Variants in SCOC observed in about 807,000 individuals in gnomAD.
The protein encoded by SCOC is short coiled coil protein.
A neutral mutation model predicts 9.9 loss-of-function variants in SCOC; 7 were observed. The observed-to-expected ratio is 0.71, with a 90% CI of 0.40 to 1.33. The LOEUF is 1.33. Ranked by LOEUF, SCOC falls within the 40% of genes most tolerant of loss-of-function variation. SCOC has a pLI of 0.01. For synonymous variants in SCOC, 19 were observed against 28.2 expected (o/e 0.67, Z 1.03); for missense variants, 66 against 89.7 (o/e 0.74, Z 1.07).
intron 2 of SCOC, among the ~76,000 whole-genome samples, chr4:140,351,438 A>G (rs1233995812): frequency 2.0e-5 from 3 of 151,960 alleles, no homozygotes; most frequent in African/African-American, 4.8e-5. Flanking sequence ...TGTCCTTCCC[A>G]TCGCTCCTCT....
chr4:140,280,542 G>A (rs1268518441), intron 1 of SCOC, among the ~76,000 whole-genome samples: 3 of 152,134 alleles, frequency 2.0e-5, no homozygotes, highest in African/African-American at 7.2e-5. Context: ...GCCTACCTGA[G>A]AGCCTGCTAC....
At chr4:140,277,477 G>A (rs536888387) in intron 1 of SCOC, among the ~76,000 whole-genome samples, 105 of 152,258 alleles carry the variant, frequency 6.9e-4, no homozygotes, top group Non-Finnish European at 1.2e-3. Flanking sequence ...TTGTTATGGA[G>A]GGAATATTTA....
chr4:140,366,488 C>T, intron 2 of SCOC: 2 of 1,568,812 alleles, frequency 1.3e-6, no homozygotes, highest in Middle Eastern at 2.1e-4. Flanking sequence ...AGCTTCTTAA[C>T]TTCATTCTTG....
intron 1 of SCOC, among the ~76,000 whole-genome samples, chr4:140,265,483 A>G (rs935204459): frequency 6.6e-6 from 1 of 152,244 alleles, no homozygotes; most frequent in Admixed American, 6.5e-5. Context: ...CTGAGCCACA[A>G]TAGGCTCTGA....
At chr4:140,303,725 C>T (rs778189427) in intron 1 of SCOC, among the ~76,000 whole-genome samples, 5 of 152,148 alleles carry the variant, frequency 3.3e-5, no homozygotes, top group East Asian at 1.9e-4. Context: ...CTTTGGGAAA[C>T]GCCTGTGCAA....
intron 1 of SCOC, among the ~76,000 whole-genome samples, chr4:140,377,192 G>A (rs358309): frequency 0.039 from 5,867 of 152,274 alleles, 144 homozygotes; most frequent in South Asian, 0.094. Flanking sequence ...CTGGTTACAG[G>A]TGTGCTTCTC....
chr4:140,374,118 G>A (rs760810659), intron 1 of SCOC: 28 of 466,638 alleles, frequency 6.0e-5, no homozygotes, highest in Middle Eastern at 3.2e-4. Flanking sequence ...TGGCTGCTCT[G>A]CGAGAGCCTG....
At chr4:140,341,869 C>A (rs1205382002), upstream of SCOC, among the ~76,000 whole-genome samples, 5 of 152,204 alleles carry the variant, frequency 3.3e-5, no homozygotes, top group African/African-American at 4.8e-5. Context: ...TTATGGTCAA[C>A]TTTGGCTCAA....
intron 2 of SCOC, chr4:140,366,805 G>T: frequency 9.0e-7 from 1 of 1,114,744 alleles, no homozygotes; most frequent in Non-Finnish European, 1.4e-6. Flanking sequence ...TCTGGCACGA[G>T]GTCCAGAGGG....
At chr4:140,348,819 A>G (rs1726854624) in intron 2 of SCOC, among the ~76,000 whole-genome samples, 2 of 152,226 alleles carry the variant, frequency 1.3e-5, no homozygotes, top group East Asian at 3.8e-4. Flanking sequence ...ACTAATGTAC[A>G]TTCCCACTAA....
chr4:140,330,004 G>A lies in SCOC; in HGVS notation c.-18-13617G>A, dbSNP rs531457240. ...TTATACAAAGATAATACTTGCACACGCATGTTTATAGCAGCACAATTTGCA... is the reference window on the plus strand; with the variant it reads ...TTATACAAAGATAATACTTGCACACACATGTTTATAGCAGCACAATTTGCA... On this transcript the variant is annotated intron_variant, in intron 1 of 4. Coordinates refer to the SCOC transcript ENST00000394205. Among the ~76,000 whole-genome samples the A allele has an allele frequency of 1.3e-3, 200 of 152,230 alleles. 3 individuals carry two copies. The highest frequency in any genetic ancestry group is 4.6e-3 in the African/African-American group (189 of 41,536).
At chr4:140,327,315 A>C (rs1732676410) in intron 1 of SCOC, among the ~76,000 whole-genome samples, 1 of 152,144 alleles carries the variant, frequency 6.6e-6, no homozygotes, top group African/African-American at 2.4e-5. Flanking sequence ...TTCTGATAGG[A>C]GGAAGATGCA....
intron 1 of SCOC, among the ~76,000 whole-genome samples, chr4:140,266,184 G>A (rs1390092805): frequency 3.3e-5 from 5 of 152,154 alleles, no homozygotes; most frequent in Non-Finnish European, 5.9e-5. Flanking sequence ...GAAAAACTTT[G>A]TGGGTAATAA....
At chr4:140,374,813 T>C (rs1025390988) in intron 1 of SCOC, among the ~76,000 whole-genome samples, 12 of 152,232 alleles carry the variant, frequency 7.9e-5, no homozygotes, top group Non-Finnish European at 1.8e-4. Flanking sequence ...AGACATTGGC[T>C]GTGAAACCTC....
intron 1 of SCOC, chr4:140,284,013 G>A (rs1731162158): frequency 6.6e-6 from 1 of 152,148 alleles, no homozygotes; most frequent in African/African-American, 2.4e-5. Flanking sequence ...ACATAAGCGT[G>A]ATCTGCAGGA....
intron 1 of SCOC, among the ~76,000 whole-genome samples, chr4:140,312,063 T>C (rs1732173133): frequency 6.6e-6 from 1 of 152,200 alleles, no homozygotes; most frequent in South Asian, 2.1e-4. Flanking sequence ...GGGATTTACT[T>C]GTTAAAAATT....
intron 2 of SCOC, among the ~76,000 whole-genome samples, chr4:140,362,299 C>CTTCTTCTTCTTCTTCTTCTTCTTCTT (rs367795160): frequency 2.6e-5 from 1 of 38,346 alleles, no homozygotes; most frequent in African/African-American, 7.5e-5. Context: ...TCTTCTTCTT[C>CTTCTTCTTCTTCTTCTTCTTCTTCTT]TTTTTTTTTT....
At chr4:140,332,704 T>A (rs2126496994) in intron 1 of SCOC, among the ~76,000 whole-genome samples, 1 of 152,204 alleles carries the variant, frequency 6.6e-6, no homozygotes, top group East Asian at 1.9e-4. Flanking sequence ...GATCTTTCTC[T>A]TACTCTCCAT....
At chr4:140,343,994 CG>C (rs1379041177) in intron 2 of SCOC, among the ~76,000 whole-genome samples, 1 of 152,086 alleles carries the variant, frequency 6.6e-6, no homozygotes, top group African/African-American at 2.4e-5. Context: ...AAAGTTGCTA[CG>C]AAAACAACCT....
Sources: gnomAD v4.1 joint callset for allele counts (sites outside exome capture counted in the v4.1 genomes callset) on GRCh38, gnomAD v4.1.1 for gene constraint, MANE v1.5 for transcripts, NCBI Gene and HGNC (gene_info 2026-07-23, HGNC 2026-07-21) for gene names.